The following PIEZO1 variants were observed in gnomAD, a reference collection of about 807,000 sequenced individuals.
PIEZO1 encodes the protein piezo-type mechanosensitive ion channel component 1.
PIEZO1 carries 296 observed loss-of-function variants against 297.2 expected under a neutral mutation model. The ratio of observed to expected loss-of-function variants is 1.00; its 90% confidence interval spans 0.91 to 1.10. The LOEUF (loss-of-function observed/expected upper bound fraction) is 1.10. Among genes scored for constraint, PIEZO1 ranks in the 50% least tolerant of loss-of-function variants. PIEZO1 has a pLI of 0.00. For synonymous variants in PIEZO1, 2,427 were observed against 1,507.5 expected (o/e 1.61, Z -14.13); for missense variants, 5,018 against 3,455.5 (o/e 1.45, Z -11.34).
At position 88,742,364 on chromosome 16, in the gene PIEZO1, G is replaced by C. The variant is rs895722966; in HGVS notation, c.219C>G (p.Ala73=). The C allele has an allele frequency of 5.1e-5, 78 of 1,535,360 alleles. No individual in the cohort carries two copies. The highest frequency in any genetic ancestry group is 6.6e-5 in the Non-Finnish European group (76 of 1,146,660). The change falls in exon 3 of 51, where the codon GCC becomes GCG. Residue 73 remains alanine, a synonymous_variant. Coordinates refer to ENST00000301015, the MANE Select transcript of PIEZO1 (RefSeq NM_001142864.4). The part of the protein sequence containing the change: ...LLGLSLLFLV[A]HLALQICLHI... ...GCAGGCAGATCTGGAGGGCGAGATG[G>C]GCCACCAGGAAGAGCAGGCTGAGGC...
intron 1 of PIEZO1, among the ~76,000 whole-genome samples, chr16:88,784,396 G>A (rs1025934017): frequency 2.4e-4 from 37 of 152,348 alleles, no homozygotes; most frequent in African/African-American, 8.4e-4. Context: ...GGGCACGGAC[G>A]TTCGTTGGGC....
At chr16:88,731,972 T>A in intron 21 of PIEZO1, 62 bp from the exon 22 acceptor site, 1 of 8,076 alleles carries the variant, frequency 1.2e-4, no homozygotes. Context: ...GACTTTCTTG[T>A]CCCACCCAGC....
intron 1 of PIEZO1, among the ~76,000 whole-genome samples, chr16:88,765,917 G>A (rs529283590): frequency 2.9e-4 from 44 of 152,138 alleles, no homozygotes; most frequent in South Asian, 1.0e-3. Context: ...CAGGTGACCC[G>A]CCCACCCAGG....
rs1408973746 is a variant in PIEZO1 at position 88,785,138 on chromosome 16, G to A, written c.-174C>T. 7 of 329,644 alleles carry A rather than the reference G, an allele frequency of 2.1e-5. No individual in the cohort carries two copies. Among genetic ancestry groups the A allele is most frequent in the Non-Finnish European group, 2.6e-5 (5 of 193,946 alleles). The allele number at this position is 329,644 out of a possible 1,614,324, so 20.4% of individuals were successfully genotyped here. ...GCCGGTGCCGACGTCCCGGGCCCGCGCTCGCTCAGGCGACCGCCCTGCCCC... is the reference window on the plus strand; with the variant it reads ...GCCGGTGCCGACGTCCCGGGCCCGCACTCGCTCAGGCGACCGCCCTGCCCC... On this transcript the variant is annotated 5_prime_UTR_variant, in exon 1 of 51. Coordinates refer to ENST00000301015, the MANE Select transcript of PIEZO1 (RefSeq NM_001142864.4).
intron 13 of PIEZO1, 24 bp from the exon 14 acceptor site, chr16:88,735,077 C>T (rs762611468): frequency 2.5e-5 from 38 of 1,549,946 alleles, no homozygotes; most frequent in South Asian, 2.0e-4. Flanking sequence ...CAGGGGCAGG[C>T]GATGGCATCA....
intron 23 of PIEZO1, 90 bp downstream of exon 23, chr16:88,727,467 A>C (rs1411745147): frequency 1.5e-6 from 1 of 651,404 alleles, no homozygotes; most frequent in Non-Finnish European, 2.7e-6. Flanking sequence ...CCGCCCGTGC[A>C]CGCCTGTGTG....
At chr16:88,731,368 G>C in intron 22 of PIEZO1, 1 of 302,514 alleles carries the variant, frequency 3.3e-6, no homozygotes. Context: ...GGCAGCACTT[G>C]GGTGTGAGGC....
chr16:88,738,020 C>A lies in PIEZO1; in HGVS notation c.934G>T (p.Val312Leu). 6.5e-7 allele frequency: 1 copy of A among 1,535,642 alleles called. No individual in the cohort carries two copies. Among genetic ancestry groups the A allele is most frequent in the Non-Finnish European group, 8.7e-7 (1 of 1,146,754 alleles). ...AGGAGGACGCCGGGGCTGGCATACA[C>A]AGGCCAGTCCAGGCCGGTGTTGAGG... is the stretch of plus-strand genomic sequence containing the variant. Reference protein sequence around the residue: ...LVLNTGLDWPVYASPGVLLLL... With the variant: ...LVLNTGLDWPLYASPGVLLLL... Residue 312 changes from valine to leucine, a missense_variant, in exon 8 of 51, where the codon GTG becomes TTG. Physicochemically the swap from Val to Leu is conservative, Grantham distance 32. Transcript: ENST00000301015.
In PIEZO1 at chr16:88,742,370, C is replaced by G. The variant is rs968193359; in HGVS notation, c.213G>C (p.Leu71=). The G allele has an allele frequency of 3.3e-6, 5 of 1,535,318 alleles. No individual in the cohort carries two copies. In the African/African-American group the frequency reaches 4.1e-5, roughly 13 times the overall value. ...AGATCTGGAGGGCGAGATGGGCCAC[C>G]AGGAAGAGCAGGCTGAGGCCCAGCA... ...RALLGLSLLF[L]VAHLALQICL... Residue 71 remains leucine (L), a synonymous_variant, in exon 3 of 51, where the codon CTG becomes CTC. Coordinates refer to ENST00000301015, the MANE Select transcript of PIEZO1 (RefSeq NM_001142864.4).
chr16:88,723,440 C>T (rs1022790499), intron 31 of PIEZO1, 112 bp from the exon 32 acceptor site: 1 of 1,255,078 alleles, frequency 8.0e-7, no homozygotes, highest in African/African-American at 1.5e-5. Flanking sequence ...CTGTGTCTCC[C>T]AGGGACCTCC....
At chr16:88,754,496 G>A (rs546173630) in intron 1 of PIEZO1, among the ~76,000 whole-genome samples, 1 of 152,326 alleles carries the variant, frequency 6.6e-6, no homozygotes, top group Admixed American at 6.5e-5. Context: ...CGCCCGGGTG[G>A]GAGAGGAGAA....
chr16:88,784,741 A>C (rs958775917), intron 1 of PIEZO1, among the ~76,000 whole-genome samples, 160 bp downstream of exon 1: 3 of 151,464 alleles, frequency 2.0e-5, no homozygotes, highest in Non-Finnish European at 4.4e-5. Flanking sequence ...TGGCGCGCTC[A>C]TGCTTCAGGA....
At chr16:88,736,535 G>A (rs1277401456) in intron 11 of PIEZO1, 104 bp downstream of exon 11, 7 of 601,764 alleles carry the variant, frequency 1.2e-5, no homozygotes, top group African/African-American at 1.9e-5. Flanking sequence ...CCACACCTGC[G>A]CGGCAGAGGG....
In PIEZO1 at chr16:88,723,018, G is replaced by C. The variant is rs1904293461; in HGVS notation, c.4496-9C>G. On this transcript the variant is annotated splice_polypyrimidine_tract_variant and intron_variant, in intron 33 of 50. Coordinates refer to ENST00000301015, the MANE Select transcript of PIEZO1 (RefSeq NM_001142864.4). Reference sequence around the variant, plus strand: ...CACCACATGGCTCCGGCCTGCGGGAGGGCGGGAGGGGGCGCTGGAGGGGCA... The same window carrying C: ...CACCACATGGCTCCGGCCTGCGGGACGGCGGGAGGGGGCGCTGGAGGGGCA... The C allele has an allele frequency of 1.3e-6, 2 of 1,543,632 alleles. No individual in the cohort carries two copies. The highest frequency in any genetic ancestry group is 1.4e-5 in the African/African-American group (1 of 73,070).
intron 1 of PIEZO1, among the ~76,000 whole-genome samples, chr16:88,782,285 A>G (rs1377856505): frequency 6.6e-6 from 1 of 151,984 alleles, no homozygotes; most frequent in Non-Finnish European, 1.5e-5. Flanking sequence ...TAATTTTTAA[A>G]TATTTTTCAT....
chr16:88,742,602 G>C (rs1184854948), intron 2 of PIEZO1, among the ~76,000 whole-genome samples, 180 bp from the exon 3 acceptor site: 3 of 152,212 alleles, frequency 2.0e-5, no homozygotes, highest in Non-Finnish European at 2.9e-5. Context: ...CGCCTCCCGA[G>C]GGTCACTCTT....
chr16:88,776,803 C>A (rs1002278572), intron 1 of PIEZO1, among the ~76,000 whole-genome samples: 3 of 152,330 alleles, frequency 2.0e-5, no homozygotes, highest in African/African-American at 7.2e-5. Flanking sequence ...CACCCACGGC[C>A]CCTGAGCCTG....
Position 88,721,200 on chromosome 16 carries a change from C to T in PIEZO1, c.5634G>A (p.Lys1878=). 1.4e-6 allele frequency: 1 copy of T among 704,076 alleles called. No individual in the cohort carries two copies. Among genetic ancestry groups the T allele is most frequent in the Non-Finnish European group, 2.1e-6 (1 of 480,602 alleles). 43.6% of individuals were successfully genotyped at this position (704,076 alleles called of 1,614,324 possible). ...RISLRFRRRK[K]EGPARKGAAA... is the part of the protein sequence containing the mutation. ...CCGCTCCTTTCCGTGCTGGGCCCTC[C>T]TTCTTCCTTCTTCTAAAACGTAGAC... is the stretch of plus-strand genomic sequence containing the variant. Residue 1878 remains lysine, a synonymous_variant, in exon 39 of 51, where the codon AAG becomes AAA. Transcript: ENST00000301015.
intron 1 of PIEZO1, among the ~76,000 whole-genome samples, chr16:88,766,261 C>T (rs116986688): frequency 0.023 from 3,446 of 152,288 alleles, 67 homozygotes; most frequent in Admixed American, 0.039. Context: ...GGGAGTGTCG[C>T]CTAAGGGCCC....
Sources: gnomAD v4.1 joint callset for allele counts (sites outside exome capture counted in the v4.1 genomes callset) on GRCh38, gnomAD v4.1.1 for gene constraint, MANE v1.5 for transcripts, NCBI Gene and HGNC (gene_info 2026-07-23, HGNC 2026-07-21) for gene names.